The following XYLB variants were observed in gnomAD, a reference collection of about 807,000 sequenced individuals.
XYLB encodes the protein xylulose kinase.
XYLB carries 62 observed loss-of-function variants against 78.7 expected under a neutral mutation model. That is an observed-to-expected ratio of 0.79 (90% CI 0.64 to 0.97). The LOEUF (loss-of-function observed/expected upper bound fraction) is 0.97. XYLB is among the 50% of genes least tolerant of loss of function. The probability of loss-of-function intolerance (pLI) is 0.00; values close to 1 mark genes in which losing one functional copy is unlikely to be tolerated. For synonymous variants in XYLB, 245 were observed against 247.4 expected, an observed-to-expected ratio of 0.99 and a Z score of 0.09; for missense variants, 687 against 676.8, an observed-to-expected ratio of 1.02 and a Z score of -0.17.
intron 14 of XYLB, 86 bp from the exon 15 acceptor site, chr3:38,379,159 TA>T: frequency 1.4e-6 from 2 of 1,399,746 alleles, no homozygotes; most frequent in Non-Finnish European, 2.0e-6. Context: ...GGCTGTTGTT[TA>T]AAAAGATCAC....
Position 38,379,328 on chromosome 3 carries a change from T to C in XYLB, c.1277T>C (p.Leu426Pro), listed in dbSNP as rs1707028776. The change falls in exon 15 of 19, where the codon CTG (leucine) becomes CCG (proline). Residue 426 changes from leucine (L) to proline (P), a missense_variant. Leu to Pro is a moderately conservative substitution (Grantham distance 98, BLOSUM62 -3). Coordinates refer to ENST00000207870, the MANE Select transcript of XYLB (RefSeq NM_005108.4). The part of the protein sequence containing the change: ...FMAKRIHAEG[L>P]GYRVMSKTKI... ...GCCAAGAGGATTCACGCAGAAGGCCTGGGCTATCGAGTCAGTAAGTGAGCC... is the reference window on the plus strand; with the variant it reads ...GCCAAGAGGATTCACGCAGAAGGCCCGGGCTATCGAGTCAGTAAGTGAGCC... 6.2e-7 allele frequency: 1 copy of C among 1,613,942 alleles called. No individual in the cohort carries two copies. Among genetic ancestry groups the C allele is most frequent in the Non-Finnish European group, 8.5e-7 (1 of 1,180,010 alleles).
chr3:38,447,015 A>T, the XYLB span, among the ~76,000 whole-genome samples: 1 of 152,254 alleles, frequency 6.6e-6, no homozygotes, highest in African/African-American at 2.4e-5. Context: ...TTTGCTAAGT[A>T]TTAATCCAAC....
At chr3:38,374,600 G>T in intron 11 of XYLB, 98 bp downstream of exon 11, 1 of 1,523,422 alleles carries the variant, frequency 6.6e-7, no homozygotes, top group East Asian at 2.3e-5. Context: ...CAGATCCCAG[G>T]GTCCCAGGGT....
the XYLB span, among the ~76,000 whole-genome samples, chr3:38,441,952 T>C: frequency 6.6e-6 from 1 of 152,136 alleles, no homozygotes; most frequent in East Asian, 1.9e-4. Flanking sequence ...AGGGCCTGCT[T>C]TAAGGTTTTG....
chr3:38,365,535 G>T, intron 5 of XYLB, 73 bp from the exon 6 acceptor site: 1 of 1,548,316 alleles, frequency 6.5e-7, no homozygotes, highest in South Asian at 1.2e-5. Flanking sequence ...TGGGCAGTGT[G>T]ACCGCCAGCC....
At chr3:38,395,923 C>T (rs1186406601) in intron 16 of XYLB, among the ~76,000 whole-genome samples, 1 of 152,246 alleles carries the variant, frequency 6.6e-6, no homozygotes, top group African/African-American at 2.4e-5. Flanking sequence ...GATTCTCCAA[C>T]CAGTCCTCTT....
chr3:38,406,121 C>A (rs1032153799), intron 18 of XYLB, among the ~76,000 whole-genome samples: 1 of 152,234 alleles, frequency 6.6e-6, no homozygotes, highest in Non-Finnish European at 1.5e-5. Flanking sequence ...GAGCAGCCTA[C>A]CTGGGAGGCA....
chr3:38,350,265 T>G (rs546229917), intron 2 of XYLB, among the ~76,000 whole-genome samples: 43 of 152,366 alleles, frequency 2.8e-4, no homozygotes, highest in Non-Finnish European at 5.7e-4. Context: ...CTTTCTCACA[T>G]TTTTTATTAT....
rs1467795245 is a variant in XYLB, at chr3:38,355,742, A to G, written c.141-4597A>G. 4 of 703,426 alleles carry G rather than the reference A, an allele frequency of 5.7e-6. No homozygotes were observed. In the African/African-American group the frequency reaches 7.0e-5, roughly 12 times the overall value. The allele number at this position is 703,426 out of a possible 1,614,324, so 43.6% of individuals were successfully genotyped here. A position where few individuals can be genotyped will look rare whatever the true frequency, so the allele number is the denominator to read the frequency against. On this transcript the variant is annotated intron_variant, in intron 2 of 18. Coordinates refer to ENST00000207870, the MANE Select transcript of XYLB (RefSeq NM_005108.4). ...ATTTTTGGCTGATGTGGGTGTCCAG[A>G]GCAACCTTGGAAGCACATGTGGAAC...
rs1264821742 is a variant in XYLB at position 38,372,671 on chromosome 3, A to G, written c.782A>G (p.Tyr261Cys). ...SCSVVGAISS[Y>C]YVQRYGFPPG... Reference sequence around the variant, plus strand: ...GTCCCTCAGGGAGCCATTTCTTCCTACTACGTCCAGCGCTACGGATTTCCT... The same window carrying G: ...GTCCCTCAGGGAGCCATTTCTTCCTGCTACGTCCAGCGCTACGGATTTCCT... The change falls in exon 10 of 19, where the codon TAC becomes TGC. Residue 261 changes from tyrosine (Y) to cysteine (C), a missense_variant. Coordinates refer to ENST00000207870, the MANE Select transcript of XYLB (RefSeq NM_005108.4). 6 of 1,613,902 alleles carry G rather than the reference A, an allele frequency of 3.7e-6. No homozygotes were observed. In the South Asian group the frequency reaches 6.6e-5, roughly 18 times the overall value.
chr3:38,363,030 CA>C lies in XYLB; in HGVS notation c.291+14del. 6.5e-7 allele frequency: 1 copy of C among 1,531,702 alleles called. No homozygotes were observed. Among genetic ancestry groups the C allele is most frequent in the Non-Finnish European group, 8.8e-7 (1 of 1,134,476 alleles). The allele number at this position is 1,531,702 out of a possible 1,614,324, so 94.9% of individuals were successfully genotyped here. On this transcript the variant is annotated intron_variant, in intron 4 of 18. Transcript: ENST00000207870. Reference sequence around the variant, plus strand: ...CGGGGCGGGCCAGGTTCGTTTGCAGCAGACTCTGTCTGCCATGTGAGGGTGA... The same window carrying C: ...CGGGGCGGGCCAGGTTCGTTTGCAGCGACTCTGTCTGCCATGTGAGGGTGA...
intron 15 of XYLB, among the ~76,000 whole-genome samples, chr3:38,384,684 C>A (rs1202440833): frequency 7.6e-6 from 1 of 131,262 alleles, no homozygotes; most frequent in Non-Finnish European, 1.8e-5. Flanking sequence ...GCCTCCCAGA[C>A]TCCTTTCCTT....
At chr3:38,408,694 T>A (rs776865642) in intron 18 of XYLB, among the ~76,000 whole-genome samples, 2,265 of 132,526 alleles carry the variant, frequency 0.017, 25 homozygotes, top group Non-Finnish European at 0.028. Flanking sequence ...TAAAAAATGA[T>A]AAAGGGGATA....
At chr3:38,383,025 G>A (rs1707224086) in intron 15 of XYLB, among the ~76,000 whole-genome samples, 1 of 152,170 alleles carries the variant, frequency 6.6e-6, no homozygotes, top group Admixed American at 6.5e-5. Flanking sequence ...CATCTCATTT[G>A]GCTTTAATAG....
chr3:38,444,475 T>G, the XYLB span, among the ~76,000 whole-genome samples: 1 of 152,180 alleles, frequency 6.6e-6, no homozygotes, highest in Non-Finnish European at 1.5e-5. Flanking sequence ...AAGCTTTGCA[T>G]AGTTGTGGAT....
chr3:38,405,668 G>A (rs1708288451), intron 18 of XYLB, among the ~76,000 whole-genome samples: 1 of 152,230 alleles, frequency 6.6e-6, no homozygotes, highest in African/African-American at 2.4e-5. Flanking sequence ...GGAAAATCGG[G>A]TCACTCTCAC....
chr3:38,371,832 A>C (rs1706581323), intron 9 of XYLB, among the ~76,000 whole-genome samples: 1 of 152,230 alleles, frequency 6.6e-6, no homozygotes, highest in South Asian at 2.1e-4. Flanking sequence ...GCCCTGTGGA[A>C]GCTGACAGCA....
At chr3:38,364,035 C>T (rs1021665513) in intron 4 of XYLB, among the ~76,000 whole-genome samples, 1 of 152,118 alleles carries the variant, frequency 6.6e-6, no homozygotes, top group African/African-American at 2.4e-5. Context: ...AATCCCAGGC[C>T]TGGACACCCA....
chr3:38,347,313 C>T (rs1259100764), intron 1 of XYLB, among the ~76,000 whole-genome samples: 1 of 152,248 alleles, frequency 6.6e-6, no homozygotes, highest in Non-Finnish European at 1.5e-5. Context: ...GGGGAACAGA[C>T]AGGCGGGTAG....
Sources: allele counts gnomAD v4.1 joint callset (sites outside exome capture counted in the v4.1 genomes callset), GRCh38; gene constraint gnomAD v4.1.1; transcripts MANE v1.5; gene names NCBI Gene and HGNC (gene_info 2026-07-23, HGNC 2026-07-21).